The following SNX2 variants were observed in gnomAD, a reference collection of about 807,000 sequenced individuals.
SNX2 encodes the protein sorting nexin-2.
In SNX2, 25 loss-of-function variants were observed where a neutral mutation model predicts 69.9. The ratio of observed to expected loss-of-function variants is 0.36; its 90% CI spans 0.26 to 0.50. The LOEUF is 0.50. Ranked by LOEUF, SNX2 falls within the 20% of genes least tolerant of loss-of-function variation. The probability of loss-of-function intolerance (pLI) is 0.97; values close to 1 mark genes in which losing one functional copy is unlikely to be tolerated. For missense variants in SNX2, 551 were observed against 613.3 expected, an observed-to-expected ratio of 0.90 and a Z score of 1.07; for synonymous variants, 229 against 200.4, an observed-to-expected ratio of 1.14 and a Z score of -1.20.
At position 122,833,368 on chromosome 5, in the gene SNX2, A is replaced by T. The variant is rs1266753180; in HGVS notation, c.*3720A>T. The T allele has an allele frequency of 6.6e-6, 1 of 152,220 alleles. No individual in the cohort carries two copies. Among genetic ancestry groups the T allele is most frequent in the Non-Finnish European group, 1.5e-5 (1 of 68,030 alleles). 9.4% of individuals were successfully genotyped at this position (152,220 alleles called of 1,614,324 possible). On this transcript the variant is annotated 3_prime_UTR_variant, in exon 15 of 15. Coordinates refer to ENST00000379516, the MANE Select transcript of SNX2 (RefSeq NM_003100.4). The stretch of plus-strand genomic sequence containing the variant: ...TAAGAGCATAGAACAATATAAATAT[A>T]ATATGGGCCATATATATAATTTTAA...
intron 7 of SNX2, among the ~76,000 whole-genome samples, chr5:122,809,647 G>A (rs553051807): frequency 1.3e-5 from 2 of 151,996 alleles, no homozygotes; most frequent in East Asian, 3.9e-4. Context: ...AAAATCAGTG[G>A]TTAGGGTGAA....
At chr5:122,812,040 C>A (rs1753789821) in intron 7 of SNX2, among the ~76,000 whole-genome samples, 1 of 152,082 alleles carries the variant, frequency 6.6e-6, no homozygotes, top group Non-Finnish European at 1.5e-5. Flanking sequence ...GATAATACAA[C>A]CTTTTCTCAC....
chr5:122,806,059 C>T (rs902110780), intron 6 of SNX2, among the ~76,000 whole-genome samples: 11 of 151,286 alleles, frequency 7.3e-5, no homozygotes, highest in Non-Finnish European at 1.0e-4. Flanking sequence ...GGATTACAGG[C>T]GTGAGCCACC....
rs1249593490 is a variant in SNX2 at position 122,833,570 on chromosome 5, A to G, written c.*3922A>G. The G allele has an allele frequency of 6.6e-6, 1 of 152,232 alleles. No individual in the cohort carries two copies. The highest frequency in any genetic ancestry group is 2.4e-5 in the African/African-American group (1 of 41,468). The allele number at this position is 152,232 out of a possible 1,614,324, so 9.4% of individuals were successfully genotyped here. A position where few individuals can be genotyped will look rare whatever the true frequency, so the allele number is the denominator to read the frequency against. On this transcript the variant is annotated 3_prime_UTR_variant, in exon 15 of 15. Coordinates refer to ENST00000379516, the MANE Select transcript of SNX2 (RefSeq NM_003100.4). ...CACATCTCCATTCAGACCGGCTACA[A>G]TTTGATCAGTTGTCACATGTGGATG...
At chr5:122,801,184 GTA>G (rs1210634370) in intron 3 of SNX2, among the ~76,000 whole-genome samples, 1 of 152,070 alleles carries the variant, frequency 6.6e-6, no homozygotes, top group Non-Finnish European at 1.5e-5. Flanking sequence ...AAAAATGCTA[GTA>G]TTAAAATTAA....
At chr5:122,800,086 T>C (rs1366328972) in intron 3 of SNX2, among the ~76,000 whole-genome samples, 2 of 152,196 alleles carry the variant, frequency 1.3e-5, no homozygotes, top group Admixed American at 6.5e-5. Context: ...GATTTTATGA[T>C]AATAGTGTGC....
At chr5:122,819,052 T>C (rs369021626) in intron 11 of SNX2, 29 bp downstream of exon 11, 72 of 1,547,638 alleles carry the variant, frequency 4.7e-5, no homozygotes, top group Non-Finnish European at 6.0e-5. Context: ...GCTTCTCACT[T>C]GTGTCGTGTA....
At chr5:122,817,200 G>C (rs1379699737) in intron 9 of SNX2, 80 bp from the exon 10 acceptor site, 5 of 1,389,700 alleles carry the variant, frequency 3.6e-6, no homozygotes, top group Non-Finnish European at 5.1e-6. Context: ...TTAAAACAAG[G>C]AATTTAGCTT....
chr5:122,794,741 G>T (rs1753336113), intron 1 of SNX2, among the ~76,000 whole-genome samples: 1 of 152,042 alleles, frequency 6.6e-6, no homozygotes, highest in African/African-American at 2.4e-5. Flanking sequence ...AGGTTTTCTG[G>T]CCAGGGGTGT....
chr5:122,808,190 A>C (rs909860490), intron 6 of SNX2, 87 bp from the exon 7 acceptor site: 4 of 829,274 alleles, frequency 4.8e-6, no homozygotes, highest in Non-Finnish European at 5.5e-6. Flanking sequence ...TCAAATTTTG[A>C]GTGTATTTTA....
Position 122,795,034 on chromosome 5 carries a change from GA to G in SNX2, c.109-224del, listed in dbSNP as rs555153529. Among the ~76,000 whole-genome samples the G allele has an allele frequency of 5.3e-5, 8 of 151,428 alleles. No individual in the cohort carries two copies. The South Asian group carries it at 1.0e-3, about 20-fold the overall frequency. On this transcript the variant is annotated intron_variant, in intron 1 of 14. Transcript: ENST00000379516. ...TGAGACCCTGTCTCAAAAATAAAAA[GA>G]AAAAAAAGGTTTTCTTTTTTAAATC...
intron 13 of SNX2, 38 bp downstream of exon 13, chr5:122,827,497 G>T (rs1195876858): frequency 1.2e-6 from 2 of 1,604,084 alleles, no homozygotes; most frequent in Admixed American, 3.3e-5. Context: ...TAACAACATG[G>T]TCACATTTTG....
chr5:122,827,229 A>T, intron 12 of SNX2, 150 bp from the exon 13 acceptor site: 1 of 628,160 alleles, frequency 1.6e-6, no homozygotes. Context: ...GTTGACAGTT[A>T]AATGCAATTT....
chr5:122,782,542 T>G (rs1288475935), intron 1 of SNX2, among the ~76,000 whole-genome samples: 1 of 151,772 alleles, frequency 6.6e-6, no homozygotes, highest in Non-Finnish European at 1.5e-5. Flanking sequence ...CCCGGCCTAT[T>G]TTATTTTATT....
chr5:122,804,091 ATC>A, intron 6 of SNX2, among the ~76,000 whole-genome samples: 1 of 151,996 alleles, frequency 6.6e-6, no homozygotes, highest in African/African-American at 2.4e-5. Context: ...GTGAGCTGAG[ATC>A]ACGCCTGGGC....
chr5:122,819,093 A>G, intron 11 of SNX2, 70 bp downstream of exon 11: 1 of 1,164,094 alleles, frequency 8.6e-7, no homozygotes, highest in Middle Eastern at 2.7e-4. Context: ...CCTATTAATT[A>G]TGTATTTACA....
chr5:122,799,903 T>G (rs577371458), intron 3 of SNX2, 48 bp downstream of exon 3: 2 of 1,434,696 alleles, frequency 1.4e-6, no homozygotes, highest in Non-Finnish European at 1.9e-6. Context: ...ATACCTTTTT[T>G]CCCCACCCAA....
chr5:122,826,077 T>A lies in SNX2; in HGVS notation c.1240T>A (p.Trp414Arg). 1 of 1,613,254 alleles carries A rather than the reference T, an allele frequency of 6.2e-7. No homozygotes were observed. ...TGTGTTTGACCATCGAATGAAGTGCTGGCAGAAATGGGAAGATGCTCAAAT... is the reference window on the plus strand; with the variant it reads ...TGTGTTTGACCATCGAATGAAGTGCAGGCAGAAATGGGAAGATGCTCAAAT... ...KGVFDHRMKC[W>R]QKWEDAQITL... is the part of the protein sequence containing the mutation. Residue 414 changes from tryptophan to arginine, a missense_variant, in exon 12 of 15, where the codon TGG (tryptophan) becomes AGG (arginine). Coordinates refer to ENST00000379516, the MANE Select transcript of SNX2 (RefSeq NM_003100.4).
chr5:122,789,438 CACAT>C (rs1213331390), intron 1 of SNX2, among the ~76,000 whole-genome samples: 5 of 72,776 alleles, frequency 6.9e-5, no homozygotes, highest in African/African-American at 2.0e-4. Context: ...ACCACACACA[CACAT>C]ACACACACAC....
Sources: gnomAD v4.1 joint callset for allele counts (sites outside exome capture counted in the v4.1 genomes callset) on GRCh38, gnomAD v4.1.1 for gene constraint, MANE v1.5 for transcripts, NCBI Gene and HGNC (gene_info 2026-07-23, HGNC 2026-07-21) for gene names.